Variants in CEP192 observed in about 807,000 individuals in gnomAD.
CEP192 encodes the protein centrosomal protein of 192 kDa.
CEP192 carries 151 observed loss-of-function variants against 271.8 expected under a neutral mutation model. The observed-to-expected ratio is 0.56, with a 90% CI of 0.49 to 0.64. The LOEUF (loss-of-function observed/expected upper bound fraction) is 0.64, where lower values mean the gene tolerates loss of function less well. CEP192 is among the 30% of genes least tolerant of loss of function. The pLI is 0.00. For synonymous variants in CEP192, 995 were observed against 1,076.5 expected, an observed-to-expected ratio of 0.92 and a Z score of 1.48; for missense variants, 2,910 against 3,020.5, an observed-to-expected ratio of 0.96 and a Z score of 0.86.
At chr18:13,010,764 T>A (rs769147124) in intron 4 of CEP192, among the ~76,000 whole-genome samples, 6 of 152,036 alleles carry the variant, frequency 3.9e-5, no homozygotes, top group Non-Finnish European at 7.4e-5. Context: ...GAGAATCGCT[T>A]GAACCTGGTA....
rs2039618442 is a variant in CEP192, at chr18:13,099,730, A to G, written c.6663+149A>G. On this transcript the variant is annotated intron_variant, in intron 37 of 44. Coordinates refer to ENST00000506447, the MANE Select transcript of CEP192 (RefSeq NM_032142.4). ...TGTGGGTTCCACTTCCAGGGATTCA[A>G]CCAACCACAGATTGAAATTATTTGG... 3 of 555,400 alleles carry G rather than the reference A, an allele frequency of 5.4e-6. No individual in the cohort carries two copies. In the Admixed American group the frequency reaches 1.1e-4, roughly 20 times the overall value. The allele number at this position is 555,400 out of a possible 1,614,324, so 34.4% of individuals were successfully genotyped here.
Position 13,019,276 on chromosome 18 carries a change from T to C in CEP192, c.1050+70T>C, listed in dbSNP as rs768390672. On this transcript the variant is annotated intron_variant, in intron 9 of 44. Coordinates refer to ENST00000506447, the MANE Select transcript of CEP192 (RefSeq NM_032142.4). The stretch of plus-strand genomic sequence containing the variant: ...AGGGGTCTTTTGTGTTTATATGATA[T>C]CAGTTTTTTTCAAAGAAACAGTAAC... 8.9e-4 allele frequency: 1,127 copies of C among 1,259,554 alleles called. 7 individuals are homozygous for C. The highest frequency in any genetic ancestry group is 1.6e-3 in the South Asian group (79 of 47,920). 78.0% of individuals were successfully genotyped at this position (1,259,554 alleles called of 1,614,324 possible).
chr18:13,092,524 C>G lies in CEP192; in HGVS notation c.6251C>G (p.Thr2084Arg). The change falls in exon 34 of 45, where the codon ACA becomes AGA. Residue 2084 changes from threonine (T) to arginine (R), a missense_variant. Thr to Arg is a moderately conservative substitution (Grantham distance 71). Transcript: ENST00000506447. The stretch of plus-strand genomic sequence containing the variant: ...TCTTCCAAAGCTAGCTTGGAATCTA[C>G]AAGGTAAAATAAATGAACAGAAATC... ...QPSSKASLES[T>R]SDLGASGKHG... The G allele has an allele frequency of 6.3e-7, 1 of 1,598,136 alleles. No homozygotes were observed. Among genetic ancestry groups the G allele is most frequent in the Non-Finnish European group, 8.5e-7 (1 of 1,173,294 alleles).
intron 7 of CEP192, 97 bp from the exon 8 acceptor site, chr18:13,018,383 T>A: frequency 1.4e-6 from 1 of 711,332 alleles, no homozygotes. Flanking sequence ...CCTTCTACAC[T>A]TATTTTCTGG....
chr18:13,065,816 G>A (rs2037666991), intron 21 of CEP192, among the ~76,000 whole-genome samples: 1 of 152,170 alleles, frequency 6.6e-6, no homozygotes, highest in Non-Finnish European at 1.5e-5. Flanking sequence ...CAACAAACTG[G>A]GGGTACTACA....
intron 44 of CEP192, among the ~76,000 whole-genome samples, chr18:13,121,787 A>G (rs908599606): frequency 1.3e-5 from 2 of 152,202 alleles, no homozygotes; most frequent in African/African-American, 2.4e-5. Context: ...AAGGTGCACA[A>G]TCCTGGCAGA....
intron 17 of CEP192, among the ~76,000 whole-genome samples, 180 bp downstream of exon 17, chr18:13,050,071 T>A (rs1433982056): frequency 1.3e-5 from 2 of 152,136 alleles, no homozygotes; most frequent in Non-Finnish European, 2.9e-5. Context: ...CTTTTTTTTT[T>A]ACTCTTTATA....
At chr18:12,993,283 G>GT (rs1378312528) in intron 1 of CEP192, among the ~76,000 whole-genome samples, 1 of 152,134 alleles carries the variant, frequency 6.6e-6, no homozygotes, top group Non-Finnish European at 1.5e-5. Context: ...AACAAGTTTG[G>GT]TTTTGTATTT....
intron 24 of CEP192, 129 bp from the exon 25 acceptor site, chr18:13,068,723 T>A: frequency 1.1e-6 from 1 of 872,022 alleles, no homozygotes; most frequent in Non-Finnish European, 1.8e-6. Flanking sequence ...TCTATTCTTT[T>A]AACTCTTTAA....
In CEP192 at chr18:13,115,827, A is replaced by G. The variant is rs935257409; in HGVS notation, c.7290-550A>G. Among the ~76,000 whole-genome samples, 5 of 152,110 alleles carry G rather than the reference A, an allele frequency of 3.3e-5. No individual in the cohort carries two copies. In the East Asian group the frequency reaches 9.6e-4, roughly 29 times the overall value. On this transcript the variant is annotated intron_variant, in intron 42 of 44. Transcript: ENST00000506447. ...AGGGACCATTGTGTAGTGACTGAATAGATAGGGCTGCTGGGGGGTGCCGAG... is the reference window on the plus strand; with the variant it reads ...AGGGACCATTGTGTAGTGACTGAATGGATAGGGCTGCTGGGGGGTGCCGAG...
chr18:13,008,787 T>A (rs1181604084), intron 4 of CEP192, among the ~76,000 whole-genome samples, 156 bp downstream of exon 4: 2 of 148,666 alleles, frequency 1.3e-5, no homozygotes, highest in African/African-American at 5.0e-5. Context: ...CACTGCAGCC[T>A]CAACTTCCTG....
intron 43 of CEP192, among the ~76,000 whole-genome samples, chr18:13,117,135 G>A (rs1320155655): frequency 6.6e-6 from 1 of 152,082 alleles, no homozygotes; most frequent in Admixed American, 6.5e-5. Context: ...TGAGCTGAGA[G>A]GATCGCTTTA....
intron 40 of CEP192, among the ~76,000 whole-genome samples, chr18:13,105,312 A>G (rs1182036544): frequency 6.6e-6 from 1 of 152,252 alleles, no homozygotes; most frequent in Non-Finnish European, 1.5e-5. Flanking sequence ...ACAGACTGCC[A>G]GTGCTTACAG....
intron 7 of CEP192, 85 bp from the exon 8 acceptor site, chr18:13,018,395 A>G (rs2143148377): frequency 2.5e-6 from 2 of 785,724 alleles, no homozygotes; most frequent in South Asian, 5.4e-5. Context: ...ATTTTCTGGC[A>G]TCCTTCAGTA....
intron 36 of CEP192, among the ~76,000 whole-genome samples, chr18:13,098,975 G>A (rs989264043): frequency 7.9e-5 from 12 of 152,272 alleles, no homozygotes; most frequent in East Asian, 3.9e-4. Context: ...TTTAGGAGCT[G>A]GAGACCAGCC....
chr18:13,000,164 G>C (rs960563484), intron 2 of CEP192: 1 of 128,594 alleles, frequency 7.8e-6, no homozygotes, highest in Non-Finnish European at 1.6e-5. Flanking sequence ...TGCTGTGTTA[G>C]CTAGGCTATT....
At chr18:13,065,440 T>C (rs1235644072) in intron 21 of CEP192, among the ~76,000 whole-genome samples, 1 of 152,238 alleles carries the variant, frequency 6.6e-6, no homozygotes, top group African/African-American at 2.4e-5. Flanking sequence ...ATTTTTTCCA[T>C]GAGTGCTTAA....
intron 40 of CEP192, among the ~76,000 whole-genome samples, chr18:13,109,985 C>T (rs1417472127): frequency 5.9e-5 from 9 of 152,128 alleles, no homozygotes; most frequent in South Asian, 2.1e-4. Context: ...ATGAACCCCT[C>T]GAATATGTTT....
chr18:13,055,377 C>T (rs1479039141), intron 18 of CEP192, among the ~76,000 whole-genome samples: 2 of 152,098 alleles, frequency 1.3e-5, no homozygotes, highest in Admixed American at 6.6e-5. Context: ...GCTGAGCCGC[C>T]GCCTGACCTC....
Sources: gnomAD v4.1 joint callset for allele counts (sites outside exome capture counted in the v4.1 genomes callset) on GRCh38, gnomAD v4.1.1 for gene constraint, MANE v1.5 for transcripts, NCBI Gene and HGNC (gene_info 2026-07-23, HGNC 2026-07-21) for gene names.